MORC2: variants seen among roughly 807,000 people sequenced by gnomAD.
MORC2 encodes the protein MORC family CW-type zinc finger 2.
A neutral mutation model predicts 136.0 loss-of-function variants in MORC2; 30 were observed. The ratio of observed to expected loss-of-function variants is 0.22; its 90% CI spans 0.17 to 0.30. MORC2 has a LOEUF of 0.30. Ranked by LOEUF, MORC2 falls within the 10% of genes least tolerant of loss-of-function variation. The pLI, the probability that MORC2 is intolerant of heterozygous loss-of-function variation, is 1.00. For synonymous variants in MORC2, 439 were observed against 487.0 expected (o/e 0.90, Z 1.30); for missense variants, 922 against 1,333.1 (o/e 0.69, Z 4.80).
intron 20 of MORC2, among the ~76,000 whole-genome samples, chr22:30,933,724 G>A (rs2040610691): frequency 6.6e-6 from 1 of 152,200 alleles, no homozygotes; most frequent in Non-Finnish European, 1.5e-5. Context: ...CAAGACAGCA[G>A]GCAAGGGACA....
At chr22:30,951,150 G>A (rs2040880721) in intron 3 of MORC2, among the ~76,000 whole-genome samples, 1 of 152,212 alleles carries the variant, frequency 6.6e-6, no homozygotes, top group African/African-American at 2.4e-5. Context: ...TGGGAAGAAG[G>A]AATGGTCCTT....
At chr22:30,967,022 G>A (rs2041138433) in intron 1 of MORC2, 1 of 890,758 alleles carries the variant, frequency 1.1e-6, no homozygotes, top group African/African-American at 1.8e-5. Context: ...CATTCATGTA[G>A]CTGCTCATCT....
chr22:30,928,219 A>G lies in MORC2; in HGVS notation c.2842-12T>C. The G allele has an allele frequency of 6.2e-7, 1 of 1,614,032 alleles. No homozygotes were observed. The highest frequency in any genetic ancestry group is 8.5e-7 in the Non-Finnish European group (1 of 1,179,956). ...TTGAAGTACTCCTTCTGTTGGGAGC[A>G]GAGCAAGAGGGAGAGTGTGTAAGTT... On this transcript the variant is annotated splice_polypyrimidine_tract_variant and intron_variant, in intron 24 of 25. Transcript: ENST00000397641.
rs2040655154 is a variant in MORC2 at position 30,936,593 on chromosome 22, T to C, written c.1655A>G (p.Lys552Arg). The change falls in exon 17 of 26, where the codon AAG becomes AGG. Residue 552 changes from lysine to arginine, a missense_variant. Around this residue, in one of 9 missense-constraint regions of MORC2, gnomAD observed 119 missense variants for 202.7 expected, o/e 0.59. Transcript: ENST00000397641. ...CTTCTCTTCCTGCGTCTTCATGTCC[T>C]TTCTGAATGTTCCCAGGGGAACCTT... ...KQKVPLGTFRKDMKTQEEKQK... is the reference protein window; with the variant it reads ...KQKVPLGTFRRDMKTQEEKQK... 6.2e-7 allele frequency: 1 copy of C among 1,614,094 alleles called. No individual in the cohort carries two copies. Among genetic ancestry groups the C allele is most frequent in the Non-Finnish European group, 8.5e-7 (1 of 1,180,040 alleles).
At chr22:30,952,241 A>C (rs2040899301) in intron 3 of MORC2, among the ~76,000 whole-genome samples, 1 of 152,236 alleles carries the variant, frequency 6.6e-6, no homozygotes, top group Non-Finnish European at 1.5e-5. Flanking sequence ...TAAAAGCAGC[A>C]TTCTAAACCT....
Position 30,933,494 on chromosome 22 carries a change from G to A in MORC2, c.2352C>T (p.Asp784=), listed in dbSNP as rs374524410. 1.1e-5 allele frequency: 18 copies of A among 1,613,706 alleles called. No individual in the cohort carries two copies. The highest frequency in any genetic ancestry group is 1.4e-5 in the Non-Finnish European group (17 of 1,179,974). Residue 784 remains aspartate (D), a synonymous_variant, in exon 21 of 26, where the codon GAC becomes GAT. Coordinates refer to ENST00000397641, the MANE Select transcript of MORC2 (RefSeq NM_001303256.3). ...TCTGAGCTCTCTTGAGGTCAGCCGA[G>A]TCCTCTTCCCCAGCACTGTCTGAGA... ...NELSDSAGEE[D]SADLKRAQKD...
intron 3 of MORC2, among the ~76,000 whole-genome samples, chr22:30,953,263 G>A (rs1234376101): frequency 1.3e-5 from 2 of 152,208 alleles, no homozygotes; most frequent in African/African-American, 4.8e-5. Flanking sequence ...GCTGGGGGTT[G>A]TATGTTCCCC....
At chr22:30,936,704 T>C in intron 16 of MORC2, 61 bp from the exon 17 acceptor site, 4 of 1,587,922 alleles carry the variant, frequency 2.5e-6, no homozygotes, top group Non-Finnish European at 3.4e-6. Flanking sequence ...GGCAAGGACC[T>C]TTCTCTTCAG....
Position 30,950,439 on chromosome 22 carries a change from C to T in MORC2, c.164G>A (p.Arg55Gln), listed in dbSNP as rs574524678. Residue 55 changes from arginine (R) to glutamine (Q), a missense_variant, in exon 4 of 26, where the codon CGA (arginine) becomes CAA (glutamine). Arg to Gln is a conservative substitution (Grantham distance 43). This residue lies in a region of MORC2 where 57 missense variants were observed against 71.8 expected (regional missense o/e 0.79). Transcript: ENST00000397641. ...ATRIDIYAERREDLRGGFMLC... is the reference protein window; with the variant it reads ...ATRIDIYAERQEDLRGGFMLC... ...CATAAATCCTCCTCGAAGGTCCTCTCGTCTTTCTGTAAAAGAAGCAGCTGC... is the reference window on the plus strand; with the variant it reads ...CATAAATCCTCCTCGAAGGTCCTCTTGTCTTTCTGTAAAAGAAGCAGCTGC... 41 of 1,608,264 alleles carry T rather than the reference C, an allele frequency of 2.5e-5. No individual in the cohort carries two copies. In the South Asian group the frequency reaches 3.4e-4, roughly 13 times the overall value.
rs1282670606 is a variant in MORC2, at chr22:30,968,257, C to G, written c.-368G>C. 1 of 162,504 alleles carries G rather than the reference C, an allele frequency of 6.2e-6. No homozygotes were observed. The highest frequency in any genetic ancestry group is 1.3e-5 in the Non-Finnish European group (1 of 74,766). The allele number at this position is 162,504 out of a possible 1,614,324, so 10.1% of individuals were successfully genotyped here. ...AGTGGGTGGTTTATGACTGCTCCAT[C>G]TTCATGTTCTTCCAGCCTTTTTTGG... On this transcript the variant is annotated 5_prime_UTR_variant, in exon 1 of 26. Transcript: ENST00000397641.
At chr22:30,958,619 T>C in intron 2 of MORC2, 22 bp downstream of exon 2, 1 of 1,537,388 alleles carries the variant, frequency 6.5e-7, no homozygotes, top group East Asian at 2.5e-5. Flanking sequence ...AAGCACAGAT[T>C]GTATGCCTGA....
chr22:30,928,906 C>T (rs552471232), intron 24 of MORC2, among the ~76,000 whole-genome samples: 20 of 152,296 alleles, frequency 1.3e-4, no homozygotes, highest in Admixed American at 1.3e-3. Flanking sequence ...AAATTTATAA[C>T]ATGACTTACT....
chr22:30,958,125 C>T (rs1299865201), intron 2 of MORC2, among the ~76,000 whole-genome samples: 1 of 152,212 alleles, frequency 6.6e-6, no homozygotes, highest in Non-Finnish European at 1.5e-5. Context: ...ACTAAGAACT[C>T]AGTATAAGAC....
rs2040595009 is a variant in MORC2 at position 30,932,808 on chromosome 22, G to T, written c.2523-39C>A. 6.2e-7 allele frequency: 1 copy of T among 1,613,046 alleles called. No individual in the cohort carries two copies. Among genetic ancestry groups the T allele is most frequent in the Non-Finnish European group, 8.5e-7 (1 of 1,179,276 alleles). The stretch of plus-strand genomic sequence containing the variant: ...ACAGCTTATGTCATGTCTGACCCGG[G>T]CTCCCAGGATGGGCTGCTGGCAGGG... On this transcript the variant is annotated intron_variant, in intron 22 of 25. Coordinates refer to ENST00000397641, the MANE Select transcript of MORC2 (RefSeq NM_001303256.3). This position sits in a 1 kb window ranked among gnomAD's most constrained non-coding sequence, Gnocchi z 4.4.
intron 2 of MORC2, among the ~76,000 whole-genome samples, chr22:30,958,310 C>CT (rs1438612966): frequency 2.0e-5 from 3 of 152,230 alleles, no homozygotes; most frequent in African/African-American, 7.2e-5. Flanking sequence ...CTGCCTGTCT[C>CT]ATTAATATGA....
chr22:30,956,006 CAAAAAAAAAA>C (rs576674402), intron 3 of MORC2, among the ~76,000 whole-genome samples: 2 of 51,536 alleles, frequency 3.9e-5, no homozygotes, highest in African/African-American at 1.5e-4. Flanking sequence ...GACTCCATCT[CAAAAAAAAAA>C]AAAAAAAAAA....
intron 13 of MORC2, 36 bp downstream of exon 13, chr22:30,938,029 T>C (rs1244695633): frequency 1.2e-6 from 2 of 1,613,774 alleles, no homozygotes; most frequent in Non-Finnish European, 1.7e-6. Flanking sequence ...CTGCCAACTA[T>C]CCTGGGCTAG....
chr22:30,934,304 C>G lies in MORC2; in HGVS notation c.2194-113G>C. The G allele has an allele frequency of 7.0e-7, 1 of 1,429,860 alleles. No individual in the cohort carries two copies. The highest frequency in any genetic ancestry group is 9.4e-7 in the Non-Finnish European group (1 of 1,059,376). The allele number at this position is 1,429,860 out of a possible 1,614,324, so 88.6% of individuals were successfully genotyped here. A position where few individuals can be genotyped will look rare whatever the true frequency, so the allele number is the denominator to read the frequency against. ...CAAGAGGAGCTGTACTCCCTGCAAT[C>G]CCTGCCTGACATTACTTGGAATGTA... On this transcript the variant is annotated intron_variant, in intron 19 of 25. Transcript: ENST00000397641. The surrounding 1 kb of genome is among the most constrained non-coding windows in gnomAD (Gnocchi z 4.4).
intron 3 of MORC2, among the ~76,000 whole-genome samples, chr22:30,953,958 G>C (rs2040928474): frequency 6.6e-6 from 1 of 152,086 alleles, no homozygotes; most frequent in Admixed American, 6.6e-5. Flanking sequence ...TTCAGAAGTG[G>C]AGATAAGAAA....
Sources: allele counts gnomAD v4.1 joint callset (sites outside exome capture counted in the v4.1 genomes callset), GRCh38; gene constraint gnomAD v4.1.1; regional missense constraint gnomAD v4.1.1; non-coding constraint Gnocchi (gnomAD v3.1); transcripts MANE v1.5; gene names NCBI Gene and HGNC (gene_info 2026-07-23, HGNC 2026-07-21).